The following KCNH6 variants were observed in gnomAD, a reference collection of about 807,000 sequenced individuals.
KCNH6 encodes the protein potassium voltage-gated channel subfamily H member 6.
Under a neutral mutation model 83.4 loss-of-function variants are expected in KCNH6, and 81 were observed. The ratio of observed to expected loss-of-function variants is 0.97; its 90% CI spans 0.81 to 1.17. KCNH6 has a LOEUF of 1.17. Among genes scored for constraint, KCNH6 ranks in the 50% most tolerant of loss-of-function variants. KCNH6 has a pLI of 0.00. For synonymous variants in KCNH6, 503 were observed against 545.6 expected (o/e 0.92, Z 1.09); for missense variants, 1,203 against 1,290.5 (o/e 0.93, Z 1.04).
At chr17:63,532,752 C>T (rs977344073) in intron 4 of KCNH6, among the ~76,000 whole-genome samples, 1 of 152,166 alleles carries the variant, frequency 6.6e-6, no homozygotes, top group Non-Finnish European at 1.5e-5. Flanking sequence ...GAACTATCCA[C>T]CAGATCTCAT....
At chr17:63,532,373 T>C (rs2032178733) in intron 4 of KCNH6, among the ~76,000 whole-genome samples, 2 of 152,076 alleles carry the variant, frequency 1.3e-5, no homozygotes, top group African/African-American at 4.8e-5. Context: ...GGACCTGCAG[T>C]TGAGAGCCCA....
rs578056901 is a variant in KCNH6 at position 63,523,546 on chromosome 17, G to C, written c.76+57G>C. ...ATCTGGAGTCCTGGTTCCGTGAAAG[G>C]GGGGGCTGGACCCCTTTACTAACTT... On this transcript the variant is annotated intron_variant, in intron 1 of 12. Transcript: ENST00000314672. The surrounding 1 kb of genome is among the most constrained non-coding windows in gnomAD (Gnocchi z 4.2). The C allele has an allele frequency of 6.7e-5, 101 of 1,508,746 alleles. No homozygotes were observed. The highest frequency in any genetic ancestry group is 3.7e-4 in the East Asian group (15 of 40,786). 93.5% of individuals were successfully genotyped at this position (1,508,746 alleles called of 1,614,324 possible).
rs1434414351 is a variant in KCNH6 at position 63,523,725 on chromosome 17, G to A, written c.76+236G>A. Among the ~76,000 whole-genome samples the A allele has an allele frequency of 2.6e-5, 4 of 152,106 alleles. No individual in the cohort carries two copies. The South Asian group carries it at 8.3e-4, about 32-fold the overall frequency. On this transcript the variant is annotated intron_variant, in intron 1 of 12. Transcript: ENST00000314672. This position sits in a 1 kb window ranked among gnomAD's most constrained non-coding sequence, Gnocchi z 4.2. ...AGCGTGCAGGCCTTCCCTCCCTACT[G>A]CCAGCTGTTTCCTTGGTGCCCCAAG...
chr17:63,530,122 G>A lies in KCNH6; in HGVS notation c.339G>A (p.Val113=). Residue 113 remains valine, a synonymous_variant, in exon 3 of 13, where the codon GTG becomes GTA. Transcript: ENST00000314672. ...GCTTCCGCTGCCTGGTAGATGTGGT[G>A]CCCGTGAAGAACGAGGACGGGGCTG... The part of the protein sequence containing the change: ...ASSFRCLVDV[V]PVKNEDGAVI... 6.2e-7 allele frequency: 1 copy of A among 1,613,826 alleles called. No individual in the cohort carries two copies. The highest frequency in any genetic ancestry group is 8.5e-7 in the Non-Finnish European group (1 of 1,180,038).
At chr17:63,539,462 A>T (rs144220143) in intron 8 of KCNH6, among the ~76,000 whole-genome samples, 10 of 152,014 alleles carry the variant, frequency 6.6e-5, no homozygotes, top group African/African-American at 2.4e-4. Flanking sequence ...CCCTGTCCTC[A>T]CCCCACTGTC....
intron 8 of KCNH6, among the ~76,000 whole-genome samples, chr17:63,540,912 G>A (rs2032820724): frequency 6.6e-6 from 1 of 152,108 alleles, no homozygotes; most frequent in African/African-American, 2.4e-5. Flanking sequence ...CTTTCTCATG[G>A]GGGCTGGTCC....
chr17:63,544,984 T>C, intron 11 of KCNH6, 94 bp from the exon 12 acceptor site: 1 of 1,278,662 alleles, frequency 7.8e-7, no homozygotes, highest in Non-Finnish European at 1.1e-6. Context: ...CCATTCCATC[T>C]AGCAGGAACA....
Position 63,538,464 on chromosome 17 carries a change from C to T in KCNH6, c.1756C>T (p.Arg586Cys). The T allele has an allele frequency of 6.2e-7, 1 of 1,604,336 alleles. No homozygotes were observed. Among genetic ancestry groups the T allele is most frequent in the Non-Finnish European group, 8.5e-7 (1 of 1,176,062 alleles). ...LQADICLHLHRALLQHCPAFS... is the reference protein window; with the variant it reads ...LQADICLHLHCALLQHCPAFS... The stretch of plus-strand genomic sequence containing the variant: ...GGCTGACATCTGCCTGCACCTGCAC[C>T]GCGCACTGCTGCAGCACTGCCCAGC... The change falls in exon 8 of 13, where the codon CGC becomes TGC. Residue 586 changes from arginine to cysteine, a missense_variant. Physicochemically the swap from Arg to Cys is radical, Grantham distance 180 (BLOSUM62 -3). Transcript: ENST00000314672. This position sits in a 1 kb window ranked among gnomAD's most constrained non-coding sequence, Gnocchi z 4.0.
At chr17:63,526,555 A>G (rs915563687) in intron 2 of KCNH6, among the ~76,000 whole-genome samples, 1 of 151,958 alleles carries the variant, frequency 6.6e-6, no homozygotes, top group African/African-American at 2.4e-5. Flanking sequence ...TGGGGGTCTC[A>G]CTATGTTGCC....
chr17:63,546,549 C>T lies in KCNH6; in HGVS notation c.*647C>T, dbSNP rs2033152377. The T allele has an allele frequency of 1.3e-5, 2 of 152,340 alleles. No individual in the cohort carries two copies. The highest frequency in any genetic ancestry group is 3.2e-3 in the Middle Eastern group (1 of 316). 9.4% of individuals were successfully genotyped at this position (152,340 alleles called of 1,614,324 possible). ...GCACCTCATGGCTCAGCACCAAGGCCCGGGGTTGGTCAGAACTCTTACCAT... is the reference window on the plus strand; with the variant it reads ...GCACCTCATGGCTCAGCACCAAGGCTCGGGGTTGGTCAGAACTCTTACCAT... On this transcript the variant is annotated 3_prime_UTR_variant, in exon 13 of 13. Transcript: ENST00000314672.
chr17:63,542,549 C>G (rs529239458), intron 9 of KCNH6, 115 bp downstream of exon 9: 1 of 890,276 alleles, frequency 1.1e-6, no homozygotes, highest in African/African-American at 1.7e-5. Context: ...CAACCTTTGC[C>G]ATAATTTCTT....
Position 63,533,524 on chromosome 17 carries a change from T to C in KCNH6, c.676-362T>C, listed in dbSNP as rs544217630. Among the ~76,000 whole-genome samples, 1 of 152,126 alleles carries C rather than the reference T, an allele frequency of 6.6e-6. No homozygotes were observed. Among genetic ancestry groups the C allele is most frequent in the Admixed American group, 6.5e-5 (1 of 15,300 alleles). ...CCCATCAGCTACCCCTTCTGTGGGCTCTTGTGTGGAATGGGTCTATAGATG... is the reference window on the plus strand; with the variant it reads ...CCCATCAGCTACCCCTTCTGTGGGCCCTTGTGTGGAATGGGTCTATAGATG... On this transcript the variant is annotated intron_variant, in intron 4 of 12. Coordinates refer to ENST00000314672, the MANE Select transcript of KCNH6 (RefSeq NM_001278919.2). This position sits in a 1 kb window ranked among gnomAD's most constrained non-coding sequence, Gnocchi z 4.1.
rs771994949 is a variant in KCNH6, at chr17:63,530,431, C to T, written c.564C>T (p.Phe188=). Residue 188 remains phenylalanine, a synonymous_variant, in exon 4 of 13, where the codon TTC becomes TTT. Transcript: ENST00000314672. The part of the protein sequence containing the change: ...ISQIPQFTLN[F]VEFNLEKHRS... ...AGATCCCACAGTTCACGCTCAACTT[C>T]GTGGAGTTCAACTTGGAGAAGCACC... 7 of 1,614,092 alleles carry T rather than the reference C, an allele frequency of 4.3e-6. No individual in the cohort carries two copies. The highest frequency in any genetic ancestry group is 2.2e-5 in the East Asian group (1 of 44,900).
chr17:63,539,114 G>T (rs1369269832), intron 8 of KCNH6, among the ~76,000 whole-genome samples: 2 of 152,130 alleles, frequency 1.3e-5, no homozygotes, highest in African/African-American at 4.8e-5. Context: ...CTGGGCAGGG[G>T]GGACAGACAG....
Position 63,538,230 on chromosome 17 carries a change from C to A in KCNH6, c.1667C>A (p.Ala556Asp). The A allele has an allele frequency of 3.1e-6, 5 of 1,614,198 alleles. No individual in the cohort carries two copies. Among genetic ancestry groups the A allele is most frequent in the Non-Finnish European group, 4.2e-6 (5 of 1,180,024 alleles). The change falls in exon 7 of 13, where the codon GCC (alanine) becomes GAC (aspartate). Residue 556 changes from alanine (A) to aspartate (D), a missense_variant. Coordinates refer to ENST00000314672, the MANE Select transcript of KCNH6 (RefSeq NM_001278919.2). This position sits in a 1 kb window ranked among gnomAD's most constrained non-coding sequence, Gnocchi z 4.0. ...CGCCTGGAGGAGTATTTCCAGCACG[C>A]CTGGTCCTACACCAATGGCATTGAC... Reference protein sequence around the residue: ...RQRLEEYFQHAWSYTNGIDMN... With the variant: ...RQRLEEYFQHDWSYTNGIDMN...
In KCNH6 at chr17:63,530,518, G is replaced by T; in HGVS notation, c.651G>T (p.Gln217His). 1.9e-6 allele frequency: 3 copies of T among 1,614,140 alleles called. No individual in the cohort carries two copies. Among genetic ancestry groups the T allele is most frequent in the Non-Finnish European group, 2.5e-6 (3 of 1,180,052 alleles). ...CCCATAAGGTGGTGGAGCGGACACA[G>T]AACGTCACTGAGAAGGTCACCCAGG... ...IAPHKVVERT[Q>H]NVTEKVTQVL... is the part of the protein sequence containing the mutation. Residue 217 changes from glutamine (Q) to histidine (H), a missense_variant, in exon 4 of 13, where the codon CAG (glutamine) becomes CAT (histidine). Gln to His is a conservative substitution (Grantham distance 24). Transcript: ENST00000314672.
At chr17:63,539,015 G>C (rs943085490) in intron 8 of KCNH6, among the ~76,000 whole-genome samples, 2 of 152,152 alleles carry the variant, frequency 1.3e-5, no homozygotes, top group Non-Finnish European at 2.9e-5. Context: ...GGTCTTTCTG[G>C]GTGGAGGTGG....
At chr17:63,544,009 C>T in intron 10 of KCNH6, 2 of 1,508,926 alleles carry the variant, frequency 1.3e-6, no homozygotes, top group Non-Finnish European at 1.8e-6. Context: ...CTCACCCTGC[C>T]AGGGTCTCCC....
chr17:63,530,217 C>A lies in KCNH6; in HGVS notation c.434C>A (p.Ser145Tyr), dbSNP rs1207931581. The A allele has an allele frequency of 6.2e-7, 1 of 1,614,036 alleles. No individual in the cohort carries two copies. The highest frequency in any genetic ancestry group is 8.5e-7 in the Non-Finnish European group (1 of 1,180,000). ...GCCAAGTGCAGCAGCCGCAGCTTGTCCCAGCGCCTGTTGTCCCAGAGCTTC... is the reference window on the plus strand; with the variant it reads ...GCCAAGTGCAGCAGCCGCAGCTTGTACCAGCGCCTGTTGTCCCAGAGCTTC... ...LLAKCSSRSL[S>Y]QRLLSQSFLG... Residue 145 changes from serine to tyrosine, a missense_variant, in exon 3 of 13, where the codon TCC becomes TAC. Transcript: ENST00000314672.
Sources: allele counts gnomAD v4.1 joint callset (sites outside exome capture counted in the v4.1 genomes callset), GRCh38; gene constraint gnomAD v4.1.1; non-coding constraint Gnocchi (gnomAD v3.1); transcripts MANE v1.5; gene names NCBI Gene and HGNC (gene_info 2026-07-23, HGNC 2026-07-21).